PDE3A: variants seen among roughly 807,000 people sequenced by gnomAD.
The protein encoded by PDE3A is cGMP-inhibited 3',5'-cyclic phosphodiesterase 3A.
A neutral mutation model predicts 98.3 loss-of-function variants in PDE3A; 43 were observed. The ratio of observed to expected loss-of-function variants is 0.44; its 90% CI spans 0.34 to 0.56. The LOEUF is 0.56. Among genes scored for constraint, PDE3A ranks in the 20% least tolerant of loss-of-function variants. The pLI is 0.01. For missense variants in PDE3A, 1,427 were observed against 1,440.7 expected (o/e 0.99, Z 0.15); for synonymous variants, 663 against 567.9 (o/e 1.17, Z -2.38).
At chr12:20,659,919 C>G (rs937367179) in intron 15 of PDE3A, among the ~76,000 whole-genome samples, 2 of 152,142 alleles carry the variant, frequency 1.3e-5, no homozygotes, top group Non-Finnish European at 1.5e-5. Context: ...TTAGTAAAGT[C>G]TAGGTCTTCA....
intron 1 of PDE3A, among the ~76,000 whole-genome samples, chr12:20,425,584 T>C (rs983611308): frequency 1.3e-5 from 2 of 152,218 alleles, no homozygotes; most frequent in Non-Finnish European, 2.9e-5. Context: ...GCTAATTTTC[T>C]AATCCTTTCA....
chr12:20,675,851 C>A (rs1323744360), intron 15 of PDE3A, among the ~76,000 whole-genome samples: 1 of 152,090 alleles, frequency 6.6e-6, no homozygotes, highest in Non-Finnish European at 1.5e-5. Context: ...TCTTTTCTAT[C>A]TTTTACTTCT....
chr12:20,403,335 G>C (rs1214695397), intron 1 of PDE3A, among the ~76,000 whole-genome samples: 2 of 152,168 alleles, frequency 1.3e-5, no homozygotes, highest in South Asian at 2.1e-4. Context: ...GTCCGGTGTG[G>C]TGTGGTTAGC....
At chr12:20,505,705 T>A (rs1339630383) in intron 1 of PDE3A, among the ~76,000 whole-genome samples, 1 of 152,154 alleles carries the variant, frequency 6.6e-6, no homozygotes, top group African/African-American at 2.4e-5. Flanking sequence ...TCACTATTCT[T>A]TCCATAGTTC....
Position 20,386,207 on chromosome 12 carries a change from ATATAT to A in PDE3A, c.960+15964_960+15968del, listed in dbSNP as rs1274714952. ...TAAATATATATAAATATATAAAAAT[ATATAT>A]AAATATATAAAAAATAAAAATATAA... On this transcript the variant is annotated intron_variant, in intron 1 of 15. Coordinates refer to ENST00000359062, the MANE Select transcript of PDE3A (RefSeq NM_000921.5). 2.3e-3 allele frequency among the ~76,000 whole-genome samples: 141 copies of A among 61,772 alleles called. 5 individuals carry two copies. The highest frequency in any genetic ancestry group is 0.017 in the Admixed American group (59 of 3,378). The allele number at this position is 61,772 out of a possible 152,430, so 40.5% of individuals were successfully genotyped here.
At chr12:20,385,002 G>A (rs766056757) in intron 1 of PDE3A, among the ~76,000 whole-genome samples, 73 of 151,984 alleles carry the variant, frequency 4.8e-4, no homozygotes, top group Non-Finnish European at 8.8e-4. Flanking sequence ...AAACATGCAC[G>A]TATTTTTATA....
intron 1 of PDE3A, among the ~76,000 whole-genome samples, chr12:20,446,685 A>T (rs770661248): frequency 6.6e-6 from 1 of 152,170 alleles, no homozygotes; most frequent in Non-Finnish European, 1.5e-5. Flanking sequence ...TAAATCTTCT[A>T]TTCATTTAAA....
At chr12:20,544,432 A>T (rs1280966783) in intron 1 of PDE3A, among the ~76,000 whole-genome samples, 3 of 151,830 alleles carry the variant, frequency 2.0e-5, no homozygotes, top group Non-Finnish European at 2.9e-5. Context: ...TTTTTCTGTT[A>T]TTTCACTGTT....
chr12:20,487,992 TTAAAAA>T (rs1344594588), intron 1 of PDE3A, among the ~76,000 whole-genome samples: 1 of 152,184 alleles, frequency 6.6e-6, no homozygotes, highest in East Asian at 1.9e-4. Context: ...GCAAATATAA[TTAAAAA>T]TAAAAGCATA....
chr12:20,673,746 C>T (rs866591297), intron 15 of PDE3A, among the ~76,000 whole-genome samples: 140 of 145,394 alleles, frequency 9.6e-4, no homozygotes, highest in African/African-American at 3.3e-3. Flanking sequence ...ATACCTAATG[C>T]TAGATGACGA....
At chr12:20,393,462 C>T (rs1026886142) in intron 1 of PDE3A, among the ~76,000 whole-genome samples, 7 of 151,954 alleles carry the variant, frequency 4.6e-5, no homozygotes, top group Non-Finnish European at 1.5e-5. Flanking sequence ...ATGGGAGGTA[C>T]AATTCAAGAT....
chr12:20,370,104 C>T lies in PDE3A; in HGVS notation c.820C>T (p.Gln274Ter). Reference sequence around the variant, plus strand: ...GGCTCCAAGGGAGCATTTGGGGTCCCAGCTGATTGCTGGGACCAAGGAAGA... The same window carrying T: ...GGCTCCAAGGGAGCATTTGGGGTCCTAGCTGATTGCTGGGACCAAGGAAGA... ...EAAPREHLGS[Q>*]LIAGTKEDIP... The change falls in exon 1 of 16, where the codon CAG (glutamine) becomes TAG (stop). Residue 274 changes from glutamine (Q) to a stop codon, truncating the protein, a stop_gained. Transcript: ENST00000359062. LOFTEE classifies it high-confidence loss of function. The T allele has an allele frequency of 6.2e-7, 1 of 1,613,262 alleles. No individual in the cohort carries two copies. Among genetic ancestry groups the T allele is most frequent in the Non-Finnish European group, 8.5e-7 (1 of 1,179,940 alleles).
chr12:20,470,437 A>C (rs1591965157), intron 1 of PDE3A, among the ~76,000 whole-genome samples: 1 of 150,032 alleles, frequency 6.7e-6, no homozygotes, highest in Non-Finnish European at 1.5e-5. Flanking sequence ...CCAGGGTTTC[A>C]AGTATGAACA....
chr12:20,677,091 T>C (rs951346032), intron 15 of PDE3A, among the ~76,000 whole-genome samples: 1 of 152,208 alleles, frequency 6.6e-6, no homozygotes, highest in Non-Finnish European at 1.5e-5. Flanking sequence ...GTCTTCAAAT[T>C]CTGATTCTTT....
intron 1 of PDE3A, among the ~76,000 whole-genome samples, chr12:20,488,422 C>T (rs934371923): frequency 3.3e-5 from 5 of 151,958 alleles, no homozygotes; most frequent in Admixed American, 1.3e-4. Context: ...TAAATTAAGC[C>T]GACCTTCACT....
chr12:20,584,532 C>G (rs1310910618), intron 2 of PDE3A, among the ~76,000 whole-genome samples: 1 of 152,072 alleles, frequency 6.6e-6, no homozygotes. Context: ...GGGTTGGCAA[C>G]CTGTACTTTT....
intron 1 of PDE3A, among the ~76,000 whole-genome samples, chr12:20,389,670 TAA>T (rs1943878778): frequency 6.6e-6 from 1 of 151,942 alleles, no homozygotes; most frequent in Non-Finnish European, 1.5e-5. Flanking sequence ...CCTCCCTGAG[TAA>T]AGATACTACA....
At chr12:20,610,349 T>A (rs1464019667) in intron 2 of PDE3A, among the ~76,000 whole-genome samples, 1 of 151,890 alleles carries the variant, frequency 6.6e-6, no homozygotes, top group Non-Finnish European at 1.5e-5. Context: ...CTATAAGATA[T>A]CACTTCACTC....
intron 7 of PDE3A, among the ~76,000 whole-genome samples, chr12:20,634,467 C>T (rs1429763363): frequency 6.6e-6 from 1 of 152,182 alleles, no homozygotes; most frequent in Non-Finnish European, 1.5e-5. Flanking sequence ...ATTGCCCATG[C>T]TCCCAAGCAT....
Sources: allele counts gnomAD v4.1 joint callset (sites outside exome capture counted in the v4.1 genomes callset), GRCh38; gene constraint gnomAD v4.1.1; transcripts MANE v1.5; gene names NCBI Gene and HGNC (gene_info 2026-07-23, HGNC 2026-07-21).